MYO5B: variants seen among roughly 807,000 people sequenced by gnomAD.
MYO5B encodes unconventional myosin-Vb.
Under a neutral mutation model 229.3 loss-of-function variants are expected in MYO5B, and 143 were observed. The observed-to-expected ratio is 0.62, with a 90% CI of 0.54 to 0.72. The LOEUF is 0.72. Ranked by LOEUF, MYO5B falls within the 30% of genes least tolerant of loss-of-function variation. The pLI is 0.00. For missense variants in MYO5B, 2,321 were observed against 2,331.0 expected (o/e 1.00, Z 0.09); for synonymous variants, 918 against 885.2 (o/e 1.04, Z -0.66).
chr18:49,827,684 C>T (rs990792102), intron 39 of MYO5B, among the ~76,000 whole-genome samples: 1 of 151,838 alleles, frequency 6.6e-6, no homozygotes, highest in African/African-American at 2.4e-5. Context: ...ACCTATTGGA[C>T]ACCATCAAGT....
chr18:50,066,897 A>G (rs2030834004), intron 1 of MYO5B, among the ~76,000 whole-genome samples: 2 of 152,126 alleles, frequency 1.3e-5, no homozygotes, highest in African/African-American at 2.4e-5. Flanking sequence ...TCAGATAACC[A>G]TAGATCCCCT....
chr18:50,040,256 T>C lies in MYO5B; in HGVS notation c.197A>G (p.Asp66Gly), dbSNP rs117920737. The change falls in exon 3 of 40, where the codon GAT becomes GGT. Residue 66 changes from aspartate (D) to glycine (G), a missense_variant. By Grantham distance (94) the Asp-to-Gly change is moderately conservative. Around this residue, in one of 2 missense-constraint regions of MYO5B, gnomAD observed 2,113 missense variants for 2,044.7 expected, o/e 1.03. Transcript: ENST00000285039. ...RNQLPFLRNP[D>G]ILVGENDLTA... ...CAGGTCATTTTCTCCCACCAAGATA[T>C]CTGGATTCCGTAAGAAGGGCAGCTG... 4 of 1,614,008 alleles carry C rather than the reference T, an allele frequency of 2.5e-6. No individual in the cohort carries two copies. Among genetic ancestry groups the C allele is most frequent in the East Asian group, 2.2e-5 (1 of 44,898 alleles).
chr18:49,877,992 A>T lies in MYO5B; in HGVS notation c.3277-110T>A, dbSNP rs185781154. ...TCCTTCTGCCTAATTTGTCAACAAG[A>T]ATAGGTATCATTGCTTCTTGGAATG... On this transcript the variant is annotated intron_variant, in intron 24 of 39. Transcript: ENST00000285039. 179 of 1,321,660 alleles carry T rather than the reference A, an allele frequency of 1.4e-4. 1 individual carries two copies. Among genetic ancestry groups the T allele is most frequent in the Admixed American group, 7.4e-4 (44 of 59,392 alleles). 81.9% of individuals were successfully genotyped at this position (1,321,660 alleles called of 1,614,324 possible). A position where few individuals can be genotyped will look rare whatever the true frequency, so the allele number is the denominator to read the frequency against.
chr18:49,873,123 G>A (rs766376642), intron 26 of MYO5B, among the ~76,000 whole-genome samples: 3 of 152,214 alleles, frequency 2.0e-5, no homozygotes, highest in Admixed American at 2.0e-4. Context: ...TCCAAAGCTA[G>A]TGCTTGTCTA....
At chr18:49,922,390 G>T (rs939986417) in intron 17 of MYO5B, among the ~76,000 whole-genome samples, 2 of 152,148 alleles carry the variant, frequency 1.3e-5, no homozygotes, top group African/African-American at 4.8e-5. Flanking sequence ...AATATTACAG[G>T]TATAAGAGCT....
intron 26 of MYO5B, 49 bp downstream of exon 26, chr18:49,875,638 T>C (rs1440784272): frequency 6.2e-7 from 1 of 1,611,982 alleles, no homozygotes. Flanking sequence ...AAGAGCTAGA[T>C]TGTTCTCTCA....
At chr18:49,926,069 C>T (rs2025125565) in intron 17 of MYO5B, among the ~76,000 whole-genome samples, 1 of 152,208 alleles carries the variant, frequency 6.6e-6, no homozygotes, top group South Asian at 2.1e-4. Flanking sequence ...AGGACACTCT[C>T]TGTCCTTTTT....
intron 1 of MYO5B, among the ~76,000 whole-genome samples, chr18:50,081,313 C>G (rs576601430): frequency 1.3e-5 from 2 of 152,306 alleles, no homozygotes; most frequent in African/African-American, 4.8e-5. Flanking sequence ...AGCCCATGCT[C>G]CCAATGGGAG....
intron 2 of MYO5B, among the ~76,000 whole-genome samples, chr18:50,044,405 C>T (rs1326480971): frequency 6.6e-6 from 1 of 152,118 alleles, no homozygotes. Context: ...AGATTCCATC[C>T]ACTCCATAAT....
chr18:50,178,117 C>A (rs1188072373), intron 1 of MYO5B, among the ~76,000 whole-genome samples: 1 of 152,166 alleles, frequency 6.6e-6, no homozygotes, highest in Admixed American at 6.5e-5. Flanking sequence ...TACTACCCAA[C>A]CCACCGAGGC....
At chr18:50,037,038 A>G in intron 3 of MYO5B, 44 bp from the exon 4 acceptor site, 1 of 1,612,294 alleles carries the variant, frequency 6.2e-7, no homozygotes, top group South Asian at 1.1e-5. Context: ...CACAGAAGAC[A>G]CCTGGCATTA....
At chr18:49,856,707 C>A (rs1319743281) in intron 30 of MYO5B, 106 bp downstream of exon 30, 1 of 928,640 alleles carries the variant, frequency 1.1e-6, no homozygotes, top group Middle Eastern at 2.5e-4. Context: ...TGCATGCCAA[C>A]TGTTCCCCGT....
intron 1 of MYO5B, among the ~76,000 whole-genome samples, chr18:50,082,618 T>C (rs563137526): frequency 1.3e-5 from 2 of 152,312 alleles, no homozygotes; most frequent in East Asian, 3.9e-4. Context: ...TGCAGCCTAA[T>C]ACTAACTGTA....
chr18:49,991,362 C>T (rs564723237), intron 6 of MYO5B, among the ~76,000 whole-genome samples: 3 of 152,250 alleles, frequency 2.0e-5, no homozygotes, highest in South Asian at 2.1e-4. Context: ...GACCAGGAAG[C>T]CATTTAACCC....
At chr18:50,066,883 G>C (rs2030833509) in intron 1 of MYO5B, among the ~76,000 whole-genome samples, 1 of 152,126 alleles carries the variant, frequency 6.6e-6, no homozygotes. Flanking sequence ...AACAAATTGA[G>C]CTGTCAGATA....
At chr18:49,911,066 A>T (rs2024952250) in intron 18 of MYO5B, among the ~76,000 whole-genome samples, 1 of 152,232 alleles carries the variant, frequency 6.6e-6, no homozygotes, top group African/African-American at 2.4e-5. Context: ...TGCCTTACTT[A>T]AAACAAGTAT....
At chr18:50,141,263 C>T (rs748839695) in intron 1 of MYO5B, among the ~76,000 whole-genome samples, 3 of 152,236 alleles carry the variant, frequency 2.0e-5, no homozygotes, top group Non-Finnish European at 2.9e-5. Context: ...TTCCATGGCA[C>T]GGACCTGATG....
At chr18:50,037,030 CA>C in intron 3 of MYO5B, 36 bp from the exon 4 acceptor site, 1 of 1,613,402 alleles carries the variant, frequency 6.2e-7, no homozygotes, top group Non-Finnish European at 8.5e-7. Flanking sequence ...TCCGACAGCA[CA>C]GAAGACACCT....
chr18:49,967,672 AC>A (rs2025641071), intron 10 of MYO5B, among the ~76,000 whole-genome samples: 1 of 152,200 alleles, frequency 6.6e-6, no homozygotes, highest in Non-Finnish European at 1.5e-5. Context: ...AATGATCCAG[AC>A]ATCCTTTCAA....
Sources: gnomAD v4.1 joint callset for allele counts (sites outside exome capture counted in the v4.1 genomes callset) on GRCh38, gnomAD v4.1.1 for gene constraint, gnomAD v4.1.1 regional missense constraint, MANE v1.5 for transcripts, NCBI Gene and HGNC (gene_info 2026-07-23, HGNC 2026-07-21) for gene names.